Variants in TCF4 observed in about 807,000 individuals in gnomAD.
The protein encoded by TCF4 is SL3-3 enhancer factor 2.
In TCF4, 3 loss-of-function variants were observed where a neutral mutation model predicts 82.1. The ratio of observed to expected loss-of-function variants is 0.04; its 90% confidence interval spans 0.02 to 0.09. The LOEUF is 0.09. TCF4 is among the 10% of genes least tolerant of loss of function. TCF4 has a pLI of 1.00. For missense variants in TCF4, 518 were observed against 852.7 expected (o/e 0.61, Z 4.89); for synonymous variants, 276 against 309.6 (o/e 0.89, Z 1.14).
At chr18:55,321,997 G>A (rs992835467) in intron 8 of TCF4, 2 of 1,219,416 alleles carry the variant, frequency 1.6e-6, no homozygotes, top group Admixed American at 4.2e-5. Context: ...GCATACGCGA[G>A]ATCGATTCAA....
chr18:55,513,582 C>T (rs1400409181), intron 3 of TCF4, among the ~76,000 whole-genome samples: 1 of 152,020 alleles, frequency 6.6e-6, no homozygotes, highest in Non-Finnish European at 1.5e-5. Context: ...TAACTACTCT[C>T]AAAGCTACCA....
intron 3 of TCF4, among the ~76,000 whole-genome samples, chr18:55,542,905 C>A (rs2097176426): frequency 6.6e-6 from 1 of 152,020 alleles, no homozygotes; most frequent in African/African-American, 2.4e-5. Context: ...AACTTAGAAT[C>A]AGTTGGGAAC....
chr18:55,371,548 A>AC (rs1449225562), intron 6 of TCF4, among the ~76,000 whole-genome samples: 2 of 152,176 alleles, frequency 1.3e-5, no homozygotes, highest in African/African-American at 4.8e-5. Flanking sequence ...TTGTTTGTTC[A>AC]TTCACTTATT....
chr18:55,465,812 A>G (rs1194283161), intron 3 of TCF4, among the ~76,000 whole-genome samples: 1 of 152,222 alleles, frequency 6.6e-6, no homozygotes, highest in Non-Finnish European at 1.5e-5. Flanking sequence ...CAAGCTTTTA[A>G]AAGTCTGGCG....
Position 55,381,779 on chromosome 18 carries a change from C to T in TCF4, c.369+21675G>A, listed in dbSNP as rs118145728. On this transcript the variant is annotated intron_variant, in intron 6 of 19. Transcript: ENST00000354452. ...TGGAATTTAGCAGCAAGAATGGGAG[C>T]GTCAGGCTACCCAGGTTCTATCTAG... Among the ~76,000 whole-genome samples, 1,000 of 152,220 alleles carry T rather than the reference C, an allele frequency of 6.6e-3. 4 individuals carry two copies. The highest frequency in any genetic ancestry group is 9.4e-3 in the Non-Finnish European group (636 of 68,012).
chr18:55,470,599 G>A (rs202171426), intron 3 of TCF4, among the ~76,000 whole-genome samples: 10 of 152,152 alleles, frequency 6.6e-5, no homozygotes, highest in Admixed American at 3.3e-4. Context: ...GTAACTTTCA[G>A]CTTGATTTGA....
At chr18:55,585,842 G>T in intron 2 of TCF4, 3 of 1,154,594 alleles carry the variant, frequency 2.6e-6, no homozygotes, top group Non-Finnish European at 3.2e-6. Context: ...TCTCTAACAG[G>T]AGAGCAATTT....
At chr18:55,624,672 G>C (rs974947373) in intron 2 of TCF4, among the ~76,000 whole-genome samples, 9 of 150,246 alleles carry the variant, frequency 6.0e-5, no homozygotes, top group Non-Finnish European at 8.9e-5. Flanking sequence ...GACTCCACTT[G>C]TCAACCTGTG....
chr18:55,431,781 G>C (rs12967143), intron 5 of TCF4, among the ~76,000 whole-genome samples: 84,306 of 151,994 alleles, frequency 0.55, 26,503 homozygotes, highest in Non-Finnish European at 0.7. Context: ...TCAAGATCCA[G>C]TGTTTCTTCT....
intron 6 of TCF4, among the ~76,000 whole-genome samples, chr18:55,359,069 G>A (rs1000172336): frequency 6.6e-6 from 1 of 152,142 alleles, no homozygotes; most frequent in East Asian, 1.9e-4. Context: ...TGGTATATAA[G>A]TCATGCATAG....
intron 13 of TCF4, 57 bp downstream of exon 13, chr18:55,259,891 AG>A: frequency 7.0e-7 from 1 of 1,432,110 alleles, no homozygotes. Context: ...AGGAAGTACA[AG>A]GGGGGAATCA....
intron 8 of TCF4, among the ~76,000 whole-genome samples, chr18:55,340,126 C>A (rs2079541390): frequency 6.6e-6 from 1 of 152,146 alleles, no homozygotes; most frequent in South Asian, 2.1e-4. Context: ...CCGTTCCCGG[C>A]CTATTAGAGA....
intron 5 of TCF4, among the ~76,000 whole-genome samples, chr18:55,459,082 G>T (rs1211085888): frequency 6.6e-6 from 1 of 152,146 alleles, no homozygotes; most frequent in Non-Finnish European, 1.5e-5. Context: ...GGGCCTCGTG[G>T]ACATAGTAGC....
At chr18:55,286,454 C>T (rs757445282) in intron 8 of TCF4, among the ~76,000 whole-genome samples, 6 of 152,128 alleles carry the variant, frequency 3.9e-5, no homozygotes, top group Middle Eastern at 3.2e-3. Flanking sequence ...AAAGGACTTA[C>T]GCCAGGGCCT....
At chr18:55,522,041 A>G (rs145470746) in intron 3 of TCF4, among the ~76,000 whole-genome samples, 1 of 152,298 alleles carries the variant, frequency 6.6e-6, no homozygotes, top group East Asian at 1.9e-4. Context: ...GTGATGAGGA[A>G]GAGACACCAG....
At chr18:55,272,394 A>C (rs1210419572) in intron 10 of TCF4, among the ~76,000 whole-genome samples, 2 of 152,100 alleles carry the variant, frequency 1.3e-5, no homozygotes, top group Non-Finnish European at 2.9e-5. Context: ...AGGTCCTCTT[A>C]GTCTCTTACT....
intron 2 of TCF4, among the ~76,000 whole-genome samples, chr18:55,617,847 G>C (rs1422679404): frequency 6.7e-6 from 1 of 150,006 alleles, no homozygotes. Flanking sequence ...GTGTGTGTGT[G>C]TGTAGTCTTT....
intron 3 of TCF4, chr18:55,483,063 G>A (rs2096463462): frequency 6.6e-6 from 1 of 152,146 alleles, no homozygotes; most frequent in Non-Finnish European, 1.5e-5. Flanking sequence ...GATGTGTCTG[G>A]TTTGCCTTCT....
intron 3 of TCF4, chr18:55,495,921 T>C (rs1336299573): frequency 6.6e-6 from 1 of 152,048 alleles, no homozygotes; most frequent in Non-Finnish European, 1.5e-5. Flanking sequence ...TGGAGGTGAG[T>C]GGTGAGGTCT....
Sources: gnomAD v4.1 joint callset for allele counts (sites outside exome capture counted in the v4.1 genomes callset) on GRCh38, gnomAD v4.1.1 for gene constraint, MANE v1.5 for transcripts, NCBI Gene and HGNC (gene_info 2026-07-23, HGNC 2026-07-21) for gene names.